The following ERICH6 variants were observed in gnomAD, a reference collection of about 807,000 sequenced individuals.
ERICH6 encodes glutamate rich 6.
ERICH6 carries 71 observed loss-of-function variants against 71.0 expected under a neutral mutation model. The observed-to-expected ratio is 1.00, with a 90% CI of 0.83 to 1.22. The LOEUF (loss-of-function observed/expected upper bound fraction) is 1.22. ERICH6 is among the 50% of genes most tolerant of loss of function. The pLI is 0.00. For missense variants in ERICH6, 808 were observed against 797.2 expected (o/e 1.01, Z -0.16); for synonymous variants, 262 against 278.4 (o/e 0.94, Z 0.59).
At chr3:150,673,198 C>T (rs1237817113) in intron 11 of ERICH6, among the ~76,000 whole-genome samples, 2 of 150,172 alleles carry the variant, frequency 1.3e-5, no homozygotes, top group African/African-American at 4.9e-5. Flanking sequence ...TTTCCTCTCT[C>T]TTTCTTTCTT....
At chr3:150,676,669 G>A (rs1035209878) in intron 10 of ERICH6, among the ~76,000 whole-genome samples, 14 of 151,970 alleles carry the variant, frequency 9.2e-5, no homozygotes, top group African/African-American at 3.4e-4. Context: ...TGAGATGGGG[G>A]TCTTGATCTG....
At chr3:150,662,479 C>G (rs1727259849) in intron 13 of ERICH6, among the ~76,000 whole-genome samples, 1 of 152,194 alleles carries the variant, frequency 6.6e-6, no homozygotes, top group South Asian at 2.1e-4. Flanking sequence ...ATAAACTGTA[C>G]AACTTTTTTG....
chr3:150,691,682 T>C (rs1712438749), intron 3 of ERICH6, among the ~76,000 whole-genome samples: 1 of 152,040 alleles, frequency 6.6e-6, no homozygotes, highest in Non-Finnish European at 1.5e-5. Context: ...CATATTATTA[T>C]TAAGTTTTGG....
At chr3:150,686,510 A>G (rs1712197869) in intron 3 of ERICH6, among the ~76,000 whole-genome samples, 156 bp from the exon 4 acceptor site, 2 of 152,244 alleles carry the variant, frequency 1.3e-5, no homozygotes, top group South Asian at 4.1e-4. Context: ...TTTGCCGACA[A>G]TAAGGAATAA....
chr3:150,680,843 C>A lies in ERICH6; in HGVS notation c.970G>T (p.Ala324Ser), dbSNP rs1319156577. Residue 324 changes from alanine (A) to serine (S), a missense_variant, in exon 8 of 14, where the codon GCT (alanine) becomes TCT (serine). This residue lies in a region of ERICH6 where 736 missense variants were observed against 712.2 expected (regional missense o/e 1.03). Transcript: ENST00000295910. Reference protein sequence around the residue: ...KTKPPKAELIAIDPHAAHGSE... With the variant: ...KTKPPKAELISIDPHAAHGSE... The stretch of plus-strand genomic sequence containing the variant: ...CCATGGGCTGCATGAGGGTCAATAG[C>A]AATTAATTCAGCTTTAGGGGGTTTG... The A allele has an allele frequency of 6.2e-7, 1 of 1,613,898 alleles. No homozygotes were observed. Among genetic ancestry groups the A allele is most frequent in the Admixed American group, 1.7e-5 (1 of 59,968 alleles).
At chr3:150,660,431 A>C (rs971241319) in intron 13 of ERICH6, among the ~76,000 whole-genome samples, 1 of 152,208 alleles carries the variant, frequency 6.6e-6, no homozygotes, top group Admixed American at 6.5e-5. Flanking sequence ...GGGATCACAA[A>C]GATGCCTCAG....
In ERICH6 at chr3:150,680,467, C is replaced by T. The variant is rs374423993; in HGVS notation, c.1111+1G>A. ...TATAAGATCAGCACTAATGAACTCA[C>T]CATCTTCAGAGAAATGAGTCTGTTC... is the stretch of plus-strand genomic sequence containing the variant. On this transcript the variant is annotated splice_donor_variant, in intron 9 of 13. Transcript: ENST00000295910. LOFTEE classifies it high-confidence loss of function. 7 of 1,614,082 alleles carry T rather than the reference C, an allele frequency of 4.3e-6. No homozygotes were observed. Among genetic ancestry groups the T allele is most frequent in the Non-Finnish European group, 5.9e-6 (7 of 1,179,938 alleles).
intron 13 of ERICH6, among the ~76,000 whole-genome samples, chr3:150,666,262 GC>G (rs1315453247): frequency 2.0e-5 from 3 of 152,222 alleles, no homozygotes; most frequent in African/African-American, 7.2e-5. Context: ...CCTGTCAGGA[GC>G]TTGCCATCCA....
chr3:150,662,244 A>G (rs1174067554), intron 13 of ERICH6, among the ~76,000 whole-genome samples: 3 of 152,260 alleles, frequency 2.0e-5, no homozygotes, highest in Non-Finnish European at 4.4e-5. Flanking sequence ...GGCCCTGGCG[A>G]AAGGTACAAC....
intron 4 of ERICH6, 88 bp from the exon 5 acceptor site, chr3:150,686,109 A>G: frequency 7.9e-7 from 1 of 1,259,590 alleles, no homozygotes; most frequent in South Asian, 1.2e-5. Flanking sequence ...CACACCCACC[A>G]TCATCCTCCT....
chr3:150,700,030 G>GTA (rs1259311806), intron 2 of ERICH6, among the ~76,000 whole-genome samples: 2 of 152,046 alleles, frequency 1.3e-5, no homozygotes, highest in African/African-American at 4.8e-5. Context: ...TGGTGAGGCA[G>GTA]TATTGGCTAC....
chr3:150,669,423 G>A lies in ERICH6; in HGVS notation c.1372C>T (p.Arg458Ter), dbSNP rs201176430. 41 of 1,613,638 alleles carry A rather than the reference G, an allele frequency of 2.5e-5. No individual in the cohort carries two copies. In the South Asian group the frequency reaches 3.1e-4, roughly 12 times the overall value. ...FYPSGNLAII[R>*]VPNKVNGFTC... ...AAACCATTTACCTTGTTGGGCACTCGAATGATGGCTAGGTTTCCAGATGGA... is the reference window on the plus strand; with the variant it reads ...AAACCATTTACCTTGTTGGGCACTCAAATGATGGCTAGGTTTCCAGATGGA... The change falls in exon 12 of 14, where the codon CGA becomes TGA. Residue 458 changes from arginine to a stop codon, truncating the protein, a stop_gained. Transcript: ENST00000295910. LOFTEE classifies it high-confidence loss of function.
At chr3:150,698,680 G>C (rs576290287) in intron 3 of ERICH6, 111 bp downstream of exon 3, 2 of 815,598 alleles carry the variant, frequency 2.5e-6, no homozygotes, top group East Asian at 4.9e-5. Context: ...CACAAGGTTA[G>C]TATGTGTTGG....
intron 3 of ERICH6, among the ~76,000 whole-genome samples, chr3:150,689,817 C>T (rs1315763511): frequency 6.6e-6 from 1 of 152,142 alleles, no homozygotes; most frequent in Non-Finnish European, 1.5e-5. Context: ...AGAGAAGGTA[C>T]CAGAGTCCCT....
chr3:150,664,377 G>A (rs192006236), intron 13 of ERICH6, among the ~76,000 whole-genome samples: 31 of 152,178 alleles, frequency 2.0e-4, no homozygotes, highest in African/African-American at 4.6e-4. Context: ...GGCTGGGCAC[G>A]GTGGCTCACG....
In ERICH6 at chr3:150,703,818, C is replaced by G. The variant is rs151102130; in HGVS notation, c.81G>C (p.Glu27Asp). ...DQKESEEELE[E>D]EEEEEEVEEE... ...CCTCCACCTCTTCCTCCTCCTCCTCCTCCTCTAACTCCTCCTCTGACTCCT... is the reference window on the plus strand; with the variant it reads ...CCTCCACCTCTTCCTCCTCCTCCTCGTCCTCTAACTCCTCCTCTGACTCCT... Residue 27 changes from glutamate to aspartate, a missense_variant, in exon 1 of 14, where the codon GAG becomes GAC. By Grantham distance (45) the Glu-to-Asp change is conservative. Transcript: ENST00000295910. 938 of 1,613,734 alleles carry G rather than the reference C, an allele frequency of 5.8e-4. 5 individuals carry two copies. The African/African-American group carries it at 0.011, about 19-fold the overall frequency.
chr3:150,670,119 T>C (rs1711497792), intron 11 of ERICH6, among the ~76,000 whole-genome samples: 1 of 152,198 alleles, frequency 6.6e-6, no homozygotes, highest in African/African-American at 2.4e-5. Flanking sequence ...AAAGATTTAG[T>C]GCTTTCTTCC....
At chr3:150,697,936 G>A (rs1712713826) in intron 3 of ERICH6, among the ~76,000 whole-genome samples, 1 of 152,152 alleles carries the variant, frequency 6.6e-6, no homozygotes, top group Non-Finnish European at 1.5e-5. Context: ...TGTTCTAGAA[G>A]GAGGCACTTG....
chr3:150,699,979 G>T (rs755588806), intron 2 of ERICH6, among the ~76,000 whole-genome samples: 10 of 152,244 alleles, frequency 6.6e-5, no homozygotes, highest in Non-Finnish European at 1.3e-4. Flanking sequence ...GAAGAAAAGG[G>T]GAGGAAGTAA....
Sources: allele counts gnomAD v4.1 joint callset (sites outside exome capture counted in the v4.1 genomes callset), GRCh38; gene constraint gnomAD v4.1.1; regional missense constraint gnomAD v4.1.1; transcripts MANE v1.5; gene names NCBI Gene and HGNC (gene_info 2026-07-23, HGNC 2026-07-21).